The following SPRED3 variants were observed in gnomAD, a reference collection of about 807,000 sequenced individuals.
SPRED3 encodes sprouty related EVH1 domain containing 3, also known as sprouty-related, EVH1 domain-containing protein 3.
In SPRED3, 23 loss-of-function variants were observed where a neutral mutation model predicts 37.6. That is an observed-to-expected ratio of 0.61 (90% CI 0.44 to 0.87). SPRED3 has a LOEUF of 0.87. Among genes scored for constraint, SPRED3 ranks in the 40% least tolerant of loss-of-function variants. The pLI is 0.00. For synonymous variants in SPRED3, 302 were observed against 279.6 expected, an observed-to-expected ratio of 1.08 and a Z score of -0.80; for missense variants, 584 against 618.6, an observed-to-expected ratio of 0.94 and a Z score of 0.59.
chr19:38,395,560 C>A lies in SPRED3; in HGVS notation c.648C>A (p.Gly216=). Reference sequence around the variant, plus strand: ...CAGGGGCAGGGGGCCTGGGGTGGGGCGGCCGCGGCTACGAGGATTACCGGC... The same window carrying A: ...CAGGGGCAGGGGGCCTGGGGTGGGGAGGCCGCGGCTACGAGGATTACCGGC... ...PLAGAGGLGW[G]GRGYEDYRRS... is the part of the protein sequence containing the mutation. Residue 216 remains glycine, a synonymous_variant, in exon 6 of 6, where the codon GGC becomes GGA. Coordinates refer to ENST00000691638, the MANE Select transcript of SPRED3 (RefSeq NM_001394336.1). This position sits in a 1 kb window ranked among gnomAD's most constrained non-coding sequence, Gnocchi z 5.2. The A allele has an allele frequency of 6.4e-7, 1 of 1,551,818 alleles. No homozygotes were observed. Among genetic ancestry groups the A allele is most frequent in the Non-Finnish European group, 8.7e-7 (1 of 1,151,746 alleles).
chr19:38,395,052 A>G lies in SPRED3; in HGVS notation c.567+266A>G, dbSNP rs1263650086. Among the ~76,000 whole-genome samples, 4 of 151,998 alleles carry G rather than the reference A, an allele frequency of 2.6e-5. No homozygotes were observed. On this transcript the variant is annotated intron_variant, in intron 5 of 5. Transcript: ENST00000691638. This position sits in a 1 kb window ranked among gnomAD's most constrained non-coding sequence, Gnocchi z 5.2. ...GTTTCGAAGTCCAGAGAGGTTTAGG[A>G]CCATTTTCAGAGTGTATATTTGGGG...
At chr19:38,391,506 A>G (rs2145153256) in intron 2 of SPRED3, among the ~76,000 whole-genome samples, 1 of 152,246 alleles carries the variant, frequency 6.6e-6, no homozygotes, top group African/African-American at 2.4e-5. Context: ...CCATTCAGCA[A>G]GATTCGGGGT....
At chr19:38,394,227 G>A in intron 4 of SPRED3, 1 of 1,332,824 alleles carries the variant, frequency 7.5e-7, no homozygotes, top group Non-Finnish European at 9.9e-7. Context: ...GGCTGGGAGT[G>A]AGAGAGGAAG....
Position 38,395,378 on chromosome 19 carries a change from T to C in SPRED3, c.568-102T>C. On this transcript the variant is annotated intron_variant, in intron 5 of 5. Coordinates refer to ENST00000691638, the MANE Select transcript of SPRED3 (RefSeq NM_001394336.1). The surrounding 1 kb of genome is among the most constrained non-coding windows in gnomAD (Gnocchi z 5.2). ...ACCTTGGGAGAGAAGCAAGCTGGGGTCTTGAAAATCTGAATCCCAGACCCA... is the reference window on the plus strand; with the variant it reads ...ACCTTGGGAGAGAAGCAAGCTGGGGCCTTGAAAATCTGAATCCCAGACCCA... 1 of 1,134,846 alleles carries C rather than the reference T, an allele frequency of 8.8e-7. No homozygotes were observed. Among genetic ancestry groups the C allele is most frequent in the Non-Finnish European group, 1.2e-6 (1 of 851,552 alleles). 70.3% of individuals were successfully genotyped at this position (1,134,846 alleles called of 1,614,324 possible).
rs775336132 is a variant in SPRED3 at position 38,396,991 on chromosome 19, C to T, written c.*846C>T. 2 of 152,168 alleles carry T rather than the reference C, an allele frequency of 1.3e-5. No individual in the cohort carries two copies. Among genetic ancestry groups the T allele is most frequent in the East Asian group, 3.9e-4 (2 of 5,192 alleles). 9.4% of individuals were successfully genotyped at this position (152,168 alleles called of 1,614,324 possible). A position where few individuals can be genotyped will look rare whatever the true frequency, so the allele number is the denominator to read the frequency against. On this transcript the variant is annotated 3_prime_UTR_variant, in exon 6 of 6. Transcript: ENST00000691638. Reference sequence around the variant, plus strand: ...GAGCCCCCAAGATCCAGATATCAGACACCAAGATGCTCTGGAAGCCAGGGA... The same window carrying T: ...GAGCCCCCAAGATCCAGATATCAGATACCAAGATGCTCTGGAAGCCAGGGA...
chr19:38,391,923 C>G (rs776152872), intron 2 of SPRED3, 23 bp from the exon 3 acceptor site: 22 of 1,611,752 alleles, frequency 1.4e-5, no homozygotes, highest in South Asian at 2.2e-5. Context: ...GGTATCTGAC[C>G]CTGCTTTCCT....
intron 4 of SPRED3, among the ~76,000 whole-genome samples, chr19:38,393,872 G>T (rs1970861762): frequency 6.6e-6 from 1 of 152,206 alleles, no homozygotes; most frequent in Non-Finnish European, 1.5e-5. Flanking sequence ...GAACAAAACT[G>T]ATTCCCTGGG....
In SPRED3 at chr19:38,390,498, T is replaced by C; in HGVS notation, c.177+19T>C. ...CCAGAAAGTGAGCCACCCTGGGGCA[T>C]GCGGGGAGGGTAGGGACCTGGGGAG... On this transcript the variant is annotated intron_variant, in intron 2 of 5. Coordinates refer to ENST00000691638, the MANE Select transcript of SPRED3 (RefSeq NM_001394336.1). 3 of 1,176,942 alleles carry C rather than the reference T, an allele frequency of 2.5e-6. No homozygotes were observed. Among genetic ancestry groups the C allele is most frequent in the Non-Finnish European group, 3.2e-6 (3 of 935,098 alleles). The allele number at this position is 1,176,942 out of a possible 1,614,324, so 72.9% of individuals were successfully genotyped here.
rs943502151 is a variant in SPRED3 at position 38,391,338 on chromosome 19, AAAAG to A, written c.178-606_178-603del. ...GAGCTCATCTGGAAAAAAAAAAAAA[AAAAG>A]AGAGAGAGAATATTTTTTGGGTAAA... On this transcript the variant is annotated intron_variant, in intron 2 of 5. Transcript: ENST00000691638. Among the ~76,000 whole-genome samples, 6 of 151,238 alleles carry A rather than the reference AAAAG, an allele frequency of 4.0e-5. 1 individual carries two copies. Among genetic ancestry groups the A allele is most frequent in the African/African-American group, 1.5e-4 (6 of 41,020 alleles).
intron 4 of SPRED3, among the ~76,000 whole-genome samples, chr19:38,392,927 C>T (rs1005447700): frequency 8.5e-5 from 13 of 152,298 alleles, no homozygotes; most frequent in East Asian, 5.8e-4. Context: ...TCAGATCATG[C>T]CCCTCCCACA....
At position 38,392,230 on chromosome 19, in the gene SPRED3, CCT is replaced by C; in HGVS notation, c.367_368del (p.Ser123LeufsTer296). 1 of 1,589,436 alleles carries C rather than the reference CCT, an allele frequency of 6.3e-7. No homozygotes were observed. The highest frequency in any genetic ancestry group is 8.6e-7 in the Non-Finnish European group (1 of 1,166,386). On this transcript the variant is annotated frameshift_variant, in exon 4 of 6. Coordinates refer to ENST00000691638, the MANE Select transcript of SPRED3 (RefSeq NM_001394336.1). LOFTEE classifies it high-confidence loss of function. ...GCCCCAGGCTCACTCACCCCCTCCT[CCT>C]CCTCCTCCTCCTCCTCTCCTTCCCA...
At position 38,388,761 on chromosome 19, in the gene SPRED3, G is replaced by C. The variant is rs1173443500; in HGVS notation, c.-51G>C. ...AGGGAGCCGGAACGAAAAGGAGGAG[G>C]AGGAGGCCGCGTCGCCGCCGCTCGG... is the stretch of plus-strand genomic sequence containing the variant. On this transcript the variant is annotated 5_prime_UTR_variant, in exon 1 of 6. Coordinates refer to ENST00000691638, the MANE Select transcript of SPRED3 (RefSeq NM_001394336.1). 2.5e-6 allele frequency: 1 copy of C among 398,134 alleles called. No individual in the cohort carries two copies. The highest frequency in any genetic ancestry group is 2.1e-5 in the African/African-American group (1 of 48,582). The allele number at this position is 398,134 out of a possible 1,614,324, so 24.7% of individuals were successfully genotyped here. A position where few individuals can be genotyped will look rare whatever the true frequency, so the allele number is the denominator to read the frequency against.
At chr19:38,390,773 C>CCCCCCCCCCCCCCCCCCCCCCCCA (rs1970822038) in intron 2 of SPRED3, among the ~76,000 whole-genome samples, 2 of 116,714 alleles carry the variant, frequency 1.7e-5, no homozygotes. Context: ...TGCCCCCCCC[C>CCCCCCCCCCCCCCCCCCCCCCCCA]CCCCGCCCCG....
intron 4 of SPRED3, among the ~76,000 whole-genome samples, chr19:38,393,706 G>A (rs935883161): frequency 1.3e-5 from 2 of 152,078 alleles, no homozygotes; most frequent in Non-Finnish European, 2.9e-5. Context: ...TCTTTTGTTC[G>A]TTTCTTGCTG....
Position 38,396,078 on chromosome 19 carries a change from GC to G in SPRED3, c.1168del (p.His390ThrfsTer37). On this transcript the variant is annotated frameshift_variant, in exon 6 of 6. Transcript: ENST00000691638. LOFTEE classifies it high-confidence loss of function. ...CLCCYAPLRA[C>X]HWVAARCGCA... ...TGCTGCTACGCGCCCCTGCGCGCGT[GC>G]CACTGGGTCGCAGCGCGATGCGGCT... 1 of 1,333,280 alleles carries G rather than the reference GC, an allele frequency of 7.5e-7. No individual in the cohort carries two copies. The allele number at this position is 1,333,280 out of a possible 1,614,324, so 82.6% of individuals were successfully genotyped here. A position where few individuals can be genotyped will look rare whatever the true frequency, so the allele number is the denominator to read the frequency against.
intron 4 of SPRED3, chr19:38,394,216 G>A (rs1284268743): frequency 6.1e-6 from 8 of 1,302,038 alleles, no homozygotes; most frequent in Non-Finnish European, 8.1e-6. Context: ...TAACAGTGTG[G>A]GGCTGGGAGT....
intron 2 of SPRED3, 26 bp from the exon 3 acceptor site, chr19:38,391,920 G>T: frequency 1.2e-6 from 2 of 1,611,676 alleles, no homozygotes; most frequent in South Asian, 1.1e-5. Flanking sequence ...TGGGGTATCT[G>T]ACCCTGCTTT....
intron 4 of SPRED3, among the ~76,000 whole-genome samples, chr19:38,392,939 T>A (rs1970850687): frequency 6.6e-6 from 1 of 151,962 alleles, no homozygotes; most frequent in Non-Finnish European, 1.5e-5. Context: ...CCTCCCACAC[T>A]CAGAAGCCTC....
At position 38,392,280 on chromosome 19, in the gene SPRED3, C is replaced by T. The variant is rs1305794264; in HGVS notation, c.415C>T (p.Pro139Ser). Residue 139 changes from proline (P) to serine (S), a missense_variant, in exon 4 of 6, where the codon CCT (proline) becomes TCT (serine). By Grantham distance (74) the Pro-to-Ser change is moderately conservative (BLOSUM62 -1). Coordinates refer to ENST00000691638, the MANE Select transcript of SPRED3 (RefSeq NM_001394336.1). ...CCAGGATACTGCAGAGACCCCCTGC[C>T]CTCTGACGGTGAGTGTCCAGGATGC... ...PSQDTAETPC[P>S]LTSHVDSDSS... 6.4e-7 allele frequency: 1 copy of T among 1,562,678 alleles called. No homozygotes were observed. The highest frequency in any genetic ancestry group is 8.7e-7 in the Non-Finnish European group (1 of 1,155,278).
Sources: allele counts gnomAD v4.1 joint callset (sites outside exome capture counted in the v4.1 genomes callset), GRCh38; gene constraint gnomAD v4.1.1; non-coding constraint Gnocchi (gnomAD v3.1); transcripts MANE v1.5; gene names NCBI Gene and HGNC (gene_info 2026-07-23, HGNC 2026-07-21).